The following PDE4B variants were observed in gnomAD, a reference collection of about 807,000 sequenced individuals.
PDE4B encodes the protein 3',5'-cyclic-AMP phosphodiesterase 4B.
A neutral mutation model predicts 82.2 loss-of-function variants in PDE4B; 20 were observed. The ratio of observed to expected loss-of-function variants is 0.24; its 90% CI spans 0.17 to 0.35. PDE4B has a LOEUF of 0.35. PDE4B is among the 10% of genes least tolerant of loss of function. PDE4B has a pLI of 1.00. For synonymous variants in PDE4B, 320 were observed against 318.9 expected (o/e 1.00, Z -0.04); for missense variants, 655 against 907.2 (o/e 0.72, Z 3.57).
chr1:66,117,325 T>TA (rs1348796848), intron 3 of PDE4B, among the ~76,000 whole-genome samples: 1 of 152,182 alleles, frequency 6.6e-6, no homozygotes, highest in Admixed American at 6.5e-5. Flanking sequence ...ACTTGAGTGT[T>TA]ACCGAGAAAT....
At chr1:66,052,031 C>T (rs1020823109) in intron 3 of PDE4B, among the ~76,000 whole-genome samples, 5 of 152,154 alleles carry the variant, frequency 3.3e-5, no homozygotes, top group African/African-American at 7.2e-5. Flanking sequence ...CATTGAAGCT[C>T]AGCTTTTCTT....
At position 66,162,305 on chromosome 1, in the gene PDE4B, C is replaced by CTTTTTTTTTTTTT. The variant is rs1168144080; in HGVS notation, c.282-85139_282-85127dup. Among the ~76,000 whole-genome samples, 272 of 40,316 alleles carry CTTTTTTTTTTTTT rather than the reference C, an allele frequency of 6.7e-3. 54 individuals are homozygous for CTTTTTTTTTTTTT. The highest frequency in any genetic ancestry group is 9.3e-3 in the Non-Finnish European group (211 of 22,644). The allele number at this position is 40,316 out of a possible 152,430, so 26.4% of individuals were successfully genotyped here. A position where few individuals can be genotyped will look rare whatever the true frequency, so the allele number is the denominator to read the frequency against. ...TTGGTGGTAAGGTTCATGGACTTCT[C>CTTTTTTTTTTTTT]TTTTTTTTTTTTTTTTTTTTTTTTT... On this transcript the variant is annotated intron_variant, in intron 3 of 16. Coordinates refer to ENST00000341517, the MANE Select transcript of PDE4B (RefSeq NM_002600.4).
chr1:66,355,921 T>C (rs1340238409), intron 9 of PDE4B, among the ~76,000 whole-genome samples: 17 of 152,194 alleles, frequency 1.1e-4, no homozygotes. Flanking sequence ...CTAAGACCTC[T>C]GAAGTAATGA....
intron 1 of PDE4B, among the ~76,000 whole-genome samples, chr1:65,802,977 G>A (rs531748035): frequency 3.3e-5 from 5 of 151,966 alleles, no homozygotes; most frequent in African/African-American, 4.8e-5. Context: ...ATGTATTTGT[G>A]TACTATTTAT....
intron 3 of PDE4B, among the ~76,000 whole-genome samples, chr1:66,002,188 A>T (rs1651902890): frequency 6.6e-6 from 1 of 150,682 alleles, no homozygotes; most frequent in Admixed American, 6.8e-5. Context: ...CTAACAGATA[A>T]GTAGTGGTAA....
At chr1:66,304,525 C>T (rs573881762) in intron 7 of PDE4B, among the ~76,000 whole-genome samples, 7 of 152,118 alleles carry the variant, frequency 4.6e-5, no homozygotes, top group Non-Finnish European at 1.0e-4. Context: ...TCCTTTTCCT[C>T]TCTTTGTGCT....
At chr1:65,819,461 C>G (rs532037288) in intron 1 of PDE4B, among the ~76,000 whole-genome samples, 27 of 151,546 alleles carry the variant, frequency 1.8e-4, no homozygotes, top group Admixed American at 1.4e-3. Context: ...CAGATATTTA[C>G]GAATATCCAT....
At chr1:66,274,805 A>G (rs1296273266) in intron 7 of PDE4B, among the ~76,000 whole-genome samples, 2 of 152,218 alleles carry the variant, frequency 1.3e-5, no homozygotes, top group East Asian at 3.8e-4. Flanking sequence ...CAAACCACCA[A>G]TGTGTGGTAG....
intron 1 of PDE4B, among the ~76,000 whole-genome samples, chr1:65,873,392 G>A (rs1054423444): frequency 5.3e-5 from 8 of 152,152 alleles, no homozygotes; most frequent in African/African-American, 1.9e-4. Flanking sequence ...ACTTTCTGTG[G>A]TAGGGATCAC....
At chr1:66,371,234 A>G (rs2050770121) in intron 16 of PDE4B, among the ~76,000 whole-genome samples, 1 of 150,484 alleles carries the variant, frequency 6.6e-6, no homozygotes, top group African/African-American at 2.5e-5. Flanking sequence ...TTAATAAAGG[A>G]AAGTTTCCAG....
At chr1:66,230,713 A>G (rs1474656032) in intron 3 of PDE4B, among the ~76,000 whole-genome samples, 2 of 152,222 alleles carry the variant, frequency 1.3e-5, no homozygotes, top group African/African-American at 2.4e-5. Context: ...TACTAACGTT[A>G]AATAACAAAT....
chr1:65,826,733 G>T (rs1214591208), intron 1 of PDE4B, among the ~76,000 whole-genome samples: 1 of 152,118 alleles, frequency 6.6e-6, no homozygotes, highest in Non-Finnish European at 1.5e-5. Context: ...CTCTGGGAAG[G>T]GGCAGGAATG....
intron 3 of PDE4B, among the ~76,000 whole-genome samples, chr1:65,991,385 T>A (rs1296242186): frequency 2.0e-5 from 3 of 152,092 alleles, no homozygotes; most frequent in African/African-American, 4.8e-5. Context: ...TCAGCCCAAA[T>A]GATTTTATAA....
chr1:66,016,207 G>A (rs746819696), intron 3 of PDE4B, among the ~76,000 whole-genome samples: 2 of 152,166 alleles, frequency 1.3e-5, no homozygotes, highest in South Asian at 2.1e-4. Context: ...CACCTGAGAC[G>A]TAATAACCAC....
rs539863468 is a variant in PDE4B at position 66,045,822 on chromosome 1, G to A, written c.281+126987G>A. ...TGGGAATGAACGTGATAGGCAGTGG[G>A]CTGAGAGATGTGCAAATAAATGCTG... On this transcript the variant is annotated intron_variant, in intron 3 of 16. Transcript: ENST00000341517. Among the ~76,000 whole-genome samples, 18 of 151,896 alleles carry A rather than the reference G, an allele frequency of 1.2e-4. No homozygotes were observed. The East Asian group carries it at 3.5e-3, about 29-fold the overall frequency.
chr1:66,370,852 A>T (rs1186837568), intron 16 of PDE4B, among the ~76,000 whole-genome samples: 3 of 151,814 alleles, frequency 2.0e-5, no homozygotes, highest in Non-Finnish European at 2.9e-5. Flanking sequence ...TTCATTAAGC[A>T]CACATAAAGA....
At chr1:66,138,603 AAG>A (rs1174017742) in intron 3 of PDE4B, among the ~76,000 whole-genome samples, 2 of 152,198 alleles carry the variant, frequency 1.3e-5, no homozygotes, top group Non-Finnish European at 2.9e-5. Context: ...AGATACAGGA[AAG>A]AGATGTCAGA....
intron 3 of PDE4B, among the ~76,000 whole-genome samples, chr1:66,009,578 C>T (rs1438005694): frequency 6.6e-6 from 1 of 152,100 alleles, no homozygotes; most frequent in Non-Finnish European, 1.5e-5. Context: ...CCTTTCCTTC[C>T]CCTCACACCA....
chr1:66,302,612 A>G (rs1006228899), intron 7 of PDE4B, among the ~76,000 whole-genome samples: 3 of 152,178 alleles, frequency 2.0e-5, no homozygotes, highest in Admixed American at 2.0e-4. Context: ...AAGGGCTGGT[A>G]TTCTTAACCT....
Sources: gnomAD v4.1 joint callset for allele counts (sites outside exome capture counted in the v4.1 genomes callset) on GRCh38, gnomAD v4.1.1 for gene constraint, MANE v1.5 for transcripts, NCBI Gene and HGNC (gene_info 2026-07-23, HGNC 2026-07-21) for gene names.